MCF2L: variants seen among roughly 807,000 people sequenced by gnomAD.
MCF2L encodes guanine nucleotide exchange factor DBS.
MCF2L carries 97 observed loss-of-function variants against 153.4 expected under a neutral mutation model. The ratio of observed to expected loss-of-function variants is 0.63; its 90% CI spans 0.54 to 0.75. MCF2L has a LOEUF of 0.75. MCF2L is among the 30% of genes least tolerant of loss of function. MCF2L has a pLI of 0.00. For synonymous variants in MCF2L, 659 were observed against 632.2 expected (o/e 1.04, Z -0.64); for missense variants, 1,347 against 1,495.2 (o/e 0.90, Z 1.64).
intron 1 of MCF2L, among the ~76,000 whole-genome samples, chr13:113,014,505 C>A (rs905028841): frequency 1.8e-4 from 27 of 152,352 alleles, no homozygotes; most frequent in Middle Eastern, 3.4e-3. Flanking sequence ...CCCTCCCTCT[C>A]TCTGTCTCTC....
rs1228956771 is a variant in MCF2L at position 113,049,075 on chromosome 13, AG to A, written c.369+3718del. On this transcript the variant is annotated intron_variant, in intron 4 of 29. Coordinates refer to ENST00000535094, the MANE Select transcript of MCF2L (RefSeq NM_001112732.3). ...CGCCTCCAGAAGGGTTTGGTGCAGG[AG>A]GGGCATGAGAAACCGGCAGGAGATG... Among the ~76,000 whole-genome samples the A allele has an allele frequency of 2.0e-5, 3 of 150,696 alleles. No individual in the cohort carries two copies. In the East Asian group the frequency reaches 5.8e-4, roughly 29 times the overall value.
chr13:113,038,550 TTA>T (rs1455364381), intron 3 of MCF2L, among the ~76,000 whole-genome samples: 1 of 152,096 alleles, frequency 6.6e-6, no homozygotes, highest in Non-Finnish European at 1.5e-5. Flanking sequence ...ACAATTAGTA[TTA>T]TAACAATGTT....
upstream of MCF2L, chr13:112,969,197 G>GC (rs561781908): frequency 1.7e-4 from 170 of 1,002,806 alleles, 1 homozygote; most frequent in East Asian, 6.6e-4. The surrounding 1 kb of genome is among the most constrained non-coding windows in gnomAD (Gnocchi z 4.8). Context: ...CGCAGCGCGC[G>GC]CCCCCCTCCC....
rs1489421982 is a variant in MCF2L, at chr13:112,904,983, T to C, written c.169+2612T>C. 2.0e-5 allele frequency among the ~76,000 whole-genome samples: 3 copies of C among 152,246 alleles called. No homozygotes were observed. The East Asian group carries it at 5.8e-4, about 29-fold the overall frequency. ...CTGTCAAGTGTAGAGTTCCCTGGTA[T>C]GAAATATACTCACACTGTTGTACAA... On this transcript the variant is annotated intron_variant, in intron 2 of 29. Transcript: ENST00000375608. The surrounding 1 kb of genome is among the most constrained non-coding windows in gnomAD (Gnocchi z 4.2).
intron 2 of MCF2L, among the ~76,000 whole-genome samples, chr13:112,944,569 C>CT (rs34676086): frequency 0.26 from 26,841 of 102,252 alleles, 3,674 homozygotes; most frequent in South Asian, 0.34. Flanking sequence ...TAAACCTGAA[C>CT]TTTTTTTTTT....
intron 23 of MCF2L, 73 bp downstream of exon 23, chr13:113,087,872 A>G (rs2034788345): frequency 6.8e-6 from 9 of 1,324,114 alleles, no homozygotes; most frequent in Non-Finnish European, 6.5e-6. Context: ...CAGTGCAAGG[A>G]TCTGCCATGA....
intron 2 of MCF2L, among the ~76,000 whole-genome samples, chr13:112,931,482 G>T (rs1401214330): frequency 6.6e-6 from 1 of 152,172 alleles, no homozygotes; most frequent in African/African-American, 2.4e-5. Context: ...AACAGAGCAG[G>T]TGTGCGGCGT....
chr13:113,051,123 T>G (rs2087285273), intron 4 of MCF2L, among the ~76,000 whole-genome samples: 1 of 152,150 alleles, frequency 6.6e-6, no homozygotes, highest in African/African-American at 2.4e-5. Context: ...AGTCCCCCCG[T>G]GGTGGACAGA....
At chr13:112,944,154 G>A (rs1301865055) in intron 2 of MCF2L, among the ~76,000 whole-genome samples, 1 of 150,092 alleles carries the variant, frequency 6.7e-6, no homozygotes, top group Non-Finnish European at 1.5e-5. Flanking sequence ...CGTGAAGGGA[G>A]GGTCCTGGAC....
chr13:112,972,862 T>C (rs1284905914), intron 1 of MCF2L, among the ~76,000 whole-genome samples: 2 of 27,466 alleles, frequency 7.3e-5, no homozygotes, highest in Non-Finnish European at 1.8e-4. Context: ...GATGGATGGA[T>C]GAGCAAAAGC....
intron 3 of MCF2L, chr13:113,043,930 T>C (rs1307624090): frequency 6.5e-6 from 1 of 153,028 alleles, no homozygotes; most frequent in East Asian, 1.9e-4. Flanking sequence ...ACTCCTGGGC[T>C]CCAGTAATCC....
chr13:112,917,114 C>A (rs1297686523), intron 2 of MCF2L: 7 of 471,282 alleles, frequency 1.5e-5, no homozygotes, highest in Admixed American at 9.4e-5. Context: ...CTGTACTCAG[C>A]CCCTCGGCGA....
At chr13:112,962,050 GACACGCACAC>G (rs2081834335) in intron 2 of MCF2L, among the ~76,000 whole-genome samples, 1 of 134,412 alleles carries the variant, frequency 7.4e-6, no homozygotes, top group African/African-American at 2.9e-5. Context: ...CACACACACG[GACACGCACAC>G]ACATGCACAC....
intron 2 of MCF2L, among the ~76,000 whole-genome samples, chr13:112,958,673 C>G (rs1383822924): frequency 6.6e-6 from 1 of 152,200 alleles, no homozygotes; most frequent in East Asian, 1.9e-4. Context: ...CATTTGCTGT[C>G]TCCTAGGGTT....
intron 3 of MCF2L, among the ~76,000 whole-genome samples, chr13:113,030,019 A>G (rs34459411): frequency 0.084 from 12,845 of 152,306 alleles, 627 homozygotes; most frequent in East Asian, 0.18. Context: ...CTGTTTTCAT[A>G]TGCAAATGCC....
intron 26 of MCF2L, among the ~76,000 whole-genome samples, chr13:113,092,869 A>C (rs2035336512): frequency 6.6e-6 from 1 of 152,230 alleles, no homozygotes; most frequent in African/African-American, 2.4e-5. Flanking sequence ...CGGCCAGGGC[A>C]GCTCAAGAAT....
At chr13:113,010,473 G>A (rs1184197954) in intron 1 of MCF2L, among the ~76,000 whole-genome samples, 1 of 152,170 alleles carries the variant, frequency 6.6e-6, no homozygotes, top group Admixed American at 6.5e-5. Flanking sequence ...TGTGTATCAG[G>A]TGAGCCAAGG....
chr13:113,047,685 A>G (rs1337035565), intron 4 of MCF2L, among the ~76,000 whole-genome samples: 1 of 152,210 alleles, frequency 6.6e-6, no homozygotes, highest in Admixed American at 6.5e-5. Context: ...GGTGCCTTTC[A>G]TGCCCGTGGG....
intron 2 of MCF2L, among the ~76,000 whole-genome samples, chr13:112,940,358 C>T (rs906153129): frequency 2.0e-5 from 3 of 152,258 alleles, no homozygotes; most frequent in Non-Finnish European, 2.9e-5. Flanking sequence ...AGTGCCAGCA[C>T]GGGGAAGGTG....
Sources: allele counts gnomAD v4.1 joint callset (sites outside exome capture counted in the v4.1 genomes callset), GRCh38; gene constraint gnomAD v4.1.1; non-coding constraint Gnocchi (gnomAD v3.1); transcripts MANE v1.5; gene names NCBI Gene and HGNC (gene_info 2026-07-23, HGNC 2026-07-21).